Variants in MYLK4 observed in about 807,000 individuals in gnomAD.
The protein encoded by MYLK4 is myosin light chain kinase family member 4, also known as caMLCK like.
Under a neutral mutation model 48.1 loss-of-function variants are expected in MYLK4, and 46 were observed. The ratio of observed to expected loss-of-function variants is 0.96; its 90% CI spans 0.75 to 1.22. MYLK4 has a LOEUF of 1.22. Ranked by LOEUF, MYLK4 falls within the 50% of genes most tolerant of loss-of-function variation. The pLI is 0.00. For missense variants in MYLK4, 451 were observed against 486.1 expected (o/e 0.93, Z 0.68); for synonymous variants, 170 against 180.8 (o/e 0.94, Z 0.48).
At chr6:2,702,245 G>A (rs1298794717) in intron 2 of MYLK4, among the ~76,000 whole-genome samples, 1 of 152,186 alleles carries the variant, frequency 6.6e-6, no homozygotes, top group Non-Finnish European at 1.5e-5. Context: ...CCTCAGAGAA[G>A]AGCAACATTA....
At chr6:2,715,617 C>G (rs1762839694) in intron 2 of MYLK4, among the ~76,000 whole-genome samples, 1 of 152,140 alleles carries the variant, frequency 6.6e-6, no homozygotes, top group Admixed American at 6.5e-5. Flanking sequence ...AGGAGCATCT[C>G]CCTACAAGAC....
chr6:2,683,727 C>T (rs2113131605), intron 6 of MYLK4, among the ~76,000 whole-genome samples: 1 of 152,164 alleles, frequency 6.6e-6, no homozygotes, highest in South Asian at 2.1e-4. Context: ...CCTCAAAGCC[C>T]CTTTATTCAG....
intron 2 of MYLK4, among the ~76,000 whole-genome samples, chr6:2,701,874 A>G (rs1157412276): frequency 2.0e-5 from 3 of 152,224 alleles, no homozygotes; most frequent in Admixed American, 6.5e-5. Flanking sequence ...GACCTAGTTA[A>G]TATACGTCAT....
chr6:2,719,253 G>A (rs1195024905), intron 2 of MYLK4, among the ~76,000 whole-genome samples: 1 of 152,186 alleles, frequency 6.6e-6, no homozygotes, highest in African/African-American at 2.4e-5. Flanking sequence ...ATAAAGACCA[G>A]TACATTGAAT....
intron 2 of MYLK4, among the ~76,000 whole-genome samples, chr6:2,711,115 G>A (rs575461067): frequency 2.1e-4 from 32 of 152,254 alleles, no homozygotes; most frequent in African/African-American, 7.2e-4. Context: ...ATCCTCCTCC[G>A]TGTGTGCCAC....
chr6:2,741,282 A>T (rs1257495254), intron 2 of MYLK4, among the ~76,000 whole-genome samples: 1 of 152,250 alleles, frequency 6.6e-6, no homozygotes, highest in East Asian at 1.9e-4. Context: ...TTTGTTATCA[A>T]GTATGCTAAC....
At chr6:2,763,539 C>T in the MYLK4 span, among the ~76,000 whole-genome samples, 558 of 152,332 alleles carry the variant, frequency 3.7e-3, 1 homozygote, top group Non-Finnish European at 5.4e-3. Flanking sequence ...CGTCCTGGGC[C>T]GGTGGTGCAG....
chr6:2,752,285 C>T (rs992543623), upstream of MYLK4, among the ~76,000 whole-genome samples: 1 of 152,160 alleles, frequency 6.6e-6, no homozygotes, highest in Admixed American at 6.5e-5. Flanking sequence ...CCCTGCACCC[C>T]GAATCCTCTG....
intron 6 of MYLK4, among the ~76,000 whole-genome samples, chr6:2,683,391 T>TTGTGTG (rs67359849): frequency 0.034 from 4,339 of 126,570 alleles, 211 homozygotes; most frequent in African/African-American, 0.094. Flanking sequence ...CCCCACCTTT[T>TTGTGTG]TGTGTGTGTG....
the MYLK4 span, chr6:2,765,743 C>T: frequency 3.3e-6 from 5 of 1,510,218 alleles, no homozygotes; most frequent in African/African-American, 2.9e-5. Flanking sequence ...CCGCTGTCTG[C>T]TGCTCCACCC....
At chr6:2,703,082 C>T (rs9503258) in intron 2 of MYLK4, among the ~76,000 whole-genome samples, 27,420 of 152,038 alleles carry the variant, frequency 0.18, 2,541 homozygotes, top group Admixed American at 0.22. Context: ...TCCAACCTCC[C>T]GACCTCGCCT....
At chr6:2,715,646 T>G (rs1762840593) in intron 2 of MYLK4, among the ~76,000 whole-genome samples, 1 of 152,192 alleles carries the variant, frequency 6.6e-6, no homozygotes, top group Non-Finnish European at 1.5e-5. Flanking sequence ...CAAAGTTGAC[T>G]TCCAAGAATT....
chr6:2,683,451 G>A (rs975150818), intron 6 of MYLK4, among the ~76,000 whole-genome samples: 4 of 134,796 alleles, frequency 3.0e-5, no homozygotes, highest in Admixed American at 1.7e-4. Flanking sequence ...ATGGAGTCTC[G>A]CTGTGTCGCT....
intron 9 of MYLK4, 112 bp downstream of exon 9, chr6:2,679,168 A>T (rs1466412686): frequency 8.0e-7 from 1 of 1,253,100 alleles, no homozygotes; most frequent in East Asian, 2.3e-5. Context: ...AGGATGGGAC[A>T]GTGTTATTTA....
chr6:2,725,977 T>G (rs1763258322), intron 2 of MYLK4, among the ~76,000 whole-genome samples: 1 of 152,198 alleles, frequency 6.6e-6, no homozygotes, highest in South Asian at 2.1e-4. Flanking sequence ...GGAAGGTCTG[T>G]TTTTATATAA....
rs868226464 is a variant in MYLK4, at chr6:2,672,575, A to G, written c.1120-1227T>C. On this transcript the variant is annotated intron_variant, in intron 11 of 12. Transcript: ENST00000274643. The surrounding 1 kb of genome is among the most constrained non-coding windows in gnomAD (Gnocchi z 4.3). ...AGATTGAAATGGTAAACAGTTTTGGATCAGAATTAAATTTTCAACTTAAAA... is the reference window on the plus strand; with the variant it reads ...AGATTGAAATGGTAAACAGTTTTGGGTCAGAATTAAATTTTCAACTTAAAA... Among the ~76,000 whole-genome samples, 1 of 152,232 alleles carries G rather than the reference A, an allele frequency of 6.6e-6. No homozygotes were observed. Among genetic ancestry groups the G allele is most frequent in the African/African-American group, 2.4e-5 (1 of 41,460 alleles).
chr6:2,738,458 C>T (rs1249303474), intron 2 of MYLK4, among the ~76,000 whole-genome samples: 1 of 152,248 alleles, frequency 6.6e-6, no homozygotes, highest in Non-Finnish European at 1.5e-5. Flanking sequence ...TTCCTAGCAG[C>T]TTCTGTGTCT....
chr6:2,767,538 C>A, the MYLK4 span, among the ~76,000 whole-genome samples: 1 of 152,190 alleles, frequency 6.6e-6, no homozygotes, highest in Non-Finnish European at 1.5e-5. Context: ...TCCCTTTGGC[C>A]AGGAATAAAC....
the MYLK4 span, among the ~76,000 whole-genome samples, chr6:2,758,841 T>C: frequency 6.6e-6 from 1 of 152,214 alleles, no homozygotes. Context: ...ATATAATATT[T>C]TGTTGTATGA....
Sources: gnomAD v4.1 joint callset for allele counts (sites outside exome capture counted in the v4.1 genomes callset) on GRCh38, gnomAD v4.1.1 for gene constraint, Gnocchi (gnomAD v3.1) non-coding constraint, MANE v1.5 for transcripts, NCBI Gene and HGNC (gene_info 2026-07-23, HGNC 2026-07-21) for gene names.